Variants in UCK1 observed in about 807,000 individuals in gnomAD.
UCK1 encodes cytidine monophosphokinase 1.
Under a neutral mutation model 34.0 loss-of-function variants are expected in UCK1, and 20 were observed. That is an observed-to-expected ratio of 0.59 (90% CI 0.41 to 0.86). The LOEUF (loss-of-function observed/expected upper bound fraction) is 0.86, where lower values mean the gene tolerates loss of function less well. Among genes scored for constraint, UCK1 ranks in the 40% least tolerant of loss-of-function variants. The pLI, the probability that UCK1 is intolerant of heterozygous loss-of-function variation, is 0.00. For synonymous variants in UCK1, 168 were observed against 155.9 expected (o/e 1.08, Z -0.58); for missense variants, 343 against 383.6 (o/e 0.89, Z 0.88).
intron 2 of UCK1, 25 bp downstream of exon 2, chr9:131,530,461 C>T: frequency 6.2e-7 from 1 of 1,612,888 alleles, no homozygotes; most frequent in Non-Finnish European, 8.5e-7. Context: ...TCTGCCCTCC[C>T]CACATCGTTG....
Position 131,530,590 on chromosome 9 carries a change from C to A in UCK1, c.164G>T (p.Arg55Leu). The A allele has an allele frequency of 6.2e-7, 1 of 1,614,238 alleles. No homozygotes were observed. Among genetic ancestry groups the A allele is most frequent in the Non-Finnish European group, 8.5e-7 (1 of 1,180,038 alleles). The change falls in exon 2 of 7, where the codon CGG (arginine) becomes CTG (leucine). Residue 55 changes from arginine (R) to leucine (L), a missense_variant. By Grantham distance (102) the Arg-to-Leu change is moderately radical. Coordinates refer to ENST00000372215, the MANE Select transcript of UCK1 (RefSeq NM_031432.5). The part of the protein sequence containing the change: ...ELLGQNEVEQ[R>L]QRKVVILSQD... ...GCTCAGGATGACCACCTTCCGCTGC[C>A]GCTGTTCCACCTCGTTCTGTCCCAG... is the stretch of plus-strand genomic sequence containing the variant.
Position 131,529,505 on chromosome 9 carries a change from A to T in UCK1, c.348T>A (p.Asp116Glu). The change falls in exon 3 of 7, where the codon GAT (aspartate) becomes GAA (glutamate). Residue 116 changes from aspartate to glutamate, a missense_variant. Physicochemically the swap from Asp to Glu is conservative, Grantham distance 45. Coordinates refer to ENST00000372215, the MANE Select transcript of UCK1 (RefSeq NM_031432.5). The part of the protein sequence containing the change: ...EGKTVEVPTY[D>E]FVTHSRLPET... The stretch of plus-strand genomic sequence containing the variant: ...CTGCTTACCTTGAGTGTGTCACAAA[A>T]TCATAGGTCGGCACCTCCACCGTTT... 1 of 1,613,892 alleles carries T rather than the reference A, an allele frequency of 6.2e-7. No individual in the cohort carries two copies. Among genetic ancestry groups the T allele is most frequent in the Non-Finnish European group, 8.5e-7 (1 of 1,179,962 alleles).
Position 131,525,959 on chromosome 9 carries a change from C to T in UCK1, c.622G>A (p.Val208Met), listed in dbSNP as rs1450973410. 1.2e-6 allele frequency: 2 copies of T among 1,614,030 alleles called. No individual in the cohort carries two copies. Among genetic ancestry groups the T allele is most frequent in the Admixed American group, 1.7e-5 (1 of 59,996 alleles). The change falls in exon 6 of 7, where the codon GTG becomes ATG. Residue 208 changes from valine (V) to methionine (M), a missense_variant. Coordinates refer to ENST00000372215, the MANE Select transcript of UCK1 (RefSeq NM_031432.5). ...FCLPTKKYAD[V>M]IIPRGVDNMV... is the part of the protein sequence containing the mutation. The stretch of plus-strand genomic sequence containing the variant: ...TTGTCCACTCCTCGCGGGATGATCA[C>T]ATCGGCATACTTCTTTGTCTGTAAG...
intron 3 of UCK1, 40 bp from the exon 4 acceptor site, chr9:131,529,310 A>C: frequency 6.2e-7 from 1 of 1,612,066 alleles, no homozygotes; most frequent in Non-Finnish European, 8.5e-7. Context: ...CTGCAGACAC[A>C]GGGTCTCCAG....
At position 131,525,917 on chromosome 9, in the gene UCK1, C is replaced by T. The variant is rs781542499; in HGVS notation, c.652+12G>A. On this transcript the variant is annotated intron_variant, in intron 6 of 6. Transcript: ENST00000372215. ...AGGGGCGGGGGGACAGCCCAGCAGG[C>T]CAGCTTCTTACCCATATTGTCCACT... 1 of 1,613,466 alleles carries T rather than the reference C, an allele frequency of 6.2e-7. No individual in the cohort carries two copies. Among genetic ancestry groups the T allele is most frequent in the South Asian group, 1.1e-5 (1 of 91,008 alleles).
Position 131,528,974 on chromosome 9 carries a change from C to A in UCK1, c.573G>T (p.Val191=). 6.2e-7 allele frequency: 1 copy of A among 1,614,180 alleles called. No individual in the cohort carries two copies. The highest frequency in any genetic ancestry group is 1.3e-5 in the African/African-American group (1 of 75,054). The part of the protein sequence containing the change: ...EQILTQYTTF[V]KPAFEEFCLP... The stretch of plus-strand genomic sequence containing the variant: ...GGCAGAACTCCTCGAAGGCCGGCTT[C>A]ACGAAGGTGGTGTACTGCGTCAGAA... The change falls in exon 5 of 7, where the codon GTG becomes GTT. Residue 191 remains valine, a synonymous_variant. Transcript: ENST00000372215.
At chr9:131,529,449 G>A (rs751159261) in intron 3 of UCK1, 39 bp downstream of exon 3, 1 of 1,611,746 alleles carries the variant, frequency 6.2e-7, no homozygotes, top group South Asian at 1.1e-5. Flanking sequence ...CGTCCTAGCT[G>A]GCCCCTCTCC....
chr9:131,527,844 T>C (rs1249940892), intron 5 of UCK1, among the ~76,000 whole-genome samples: 2 of 151,772 alleles, frequency 1.3e-5, no homozygotes, highest in Non-Finnish European at 2.9e-5. Flanking sequence ...ACCACTGTAC[T>C]CCAGCCTGGG....
Position 131,524,046 on chromosome 9 carries a change from G to GTGT in UCK1, c.*991_*993dup, listed in dbSNP as rs1950452078. On this transcript the variant is annotated 3_prime_UTR_variant, in exon 7 of 7. Transcript: ENST00000372215. ...ATCACCCCAGGCAACCCAGACACGG[G>GTGT]TGTTCACATGTGAGGCTGTGAGCTC... 1.3e-5 allele frequency: 2 copies of GTGT among 152,324 alleles called. No homozygotes were observed. Among genetic ancestry groups the GTGT allele is most frequent in the Non-Finnish European group, 2.9e-5 (2 of 68,080 alleles). The allele number at this position is 152,324 out of a possible 1,614,324, so 9.4% of individuals were successfully genotyped here. A position where few individuals can be genotyped will look rare whatever the true frequency, so the allele number is the denominator to read the frequency against.
intron 3 of UCK1, 99 bp downstream of exon 3, chr9:131,529,389 C>A (rs1273671100): frequency 6.2e-7 from 1 of 1,600,776 alleles, no homozygotes; most frequent in South Asian, 1.1e-5. Context: ...CCCACAGAAA[C>A]CAACCGGGGG....
intron 5 of UCK1, chr9:131,526,620 G>C: frequency 3.8e-6 from 3 of 794,414 alleles, no homozygotes; most frequent in Non-Finnish European, 5.6e-6. Context: ...GCAGCCTGGA[G>C]AACATGGCTG....
At chr9:131,526,428 C>T (rs1011128840) in intron 5 of UCK1, 7 of 1,292,230 alleles carry the variant, frequency 5.4e-6, no homozygotes, top group East Asian at 5.5e-5. Context: ...CAGGCAGAGA[C>T]GCTGATGGTA....
chr9:131,524,858 G>A lies in UCK1; in HGVS notation c.*182C>T. ...GAAAACCTCAGGAACGCCTGTCAGT[G>A]TCCCAGCAAGTTGAGTCTGAGTGAC... On this transcript the variant is annotated 3_prime_UTR_variant, in exon 7 of 7. Coordinates refer to ENST00000372215, the MANE Select transcript of UCK1 (RefSeq NM_031432.5). 2 of 682,696 alleles carry A rather than the reference G, an allele frequency of 2.9e-6. No individual in the cohort carries two copies. The allele number at this position is 682,696 out of a possible 1,614,324, so 42.3% of individuals were successfully genotyped here.
At chr9:131,526,693 G>A (rs866718779) in intron 5 of UCK1, among the ~76,000 whole-genome samples, 2 of 152,208 alleles carry the variant, frequency 1.3e-5, no homozygotes, top group South Asian at 4.1e-4. Flanking sequence ...AACTTGGAAC[G>A]GTGCGTGCTG....
chr9:131,530,796 G>A, intron 1 of UCK1, 151 bp from the exon 2 acceptor site: 1 of 1,369,704 alleles, frequency 7.3e-7, no homozygotes. Context: ...CTCAGCGGAA[G>A]GGCCGCGGGG....
intron 2 of UCK1, 28 bp downstream of exon 2, chr9:131,530,458 T>G (rs1470151071): frequency 4.3e-6 from 7 of 1,612,016 alleles, no homozygotes; most frequent in Admixed American, 1.7e-5. Context: ...GGGTCTGCCC[T>G]CCCCACATCG....
intron 2 of UCK1, among the ~76,000 whole-genome samples, chr9:131,530,037 C>G (rs1004612024): frequency 6.6e-6 from 1 of 152,212 alleles, no homozygotes; most frequent in Non-Finnish European, 1.5e-5. Context: ...CGCATCTGCC[C>G]GTTTACCTGG....
chr9:131,529,282 A>C lies in UCK1; in HGVS notation c.366-12T>G. The C allele has an allele frequency of 6.2e-7, 1 of 1,613,970 alleles. No homozygotes were observed. Among genetic ancestry groups the C allele is most frequent in the Non-Finnish European group, 8.5e-7 (1 of 1,179,956 alleles). ...TGGTCTCTGGTAACCTGAGGGGCGC[A>C]CGGGGAAAGGGGCTCTGCTGCAGAC... On this transcript the variant is annotated splice_polypyrimidine_tract_variant and intron_variant, in intron 3 of 6. Coordinates refer to ENST00000372215, the MANE Select transcript of UCK1 (RefSeq NM_031432.5).
rs1275201929 is a variant in UCK1, at chr9:131,524,453, ATATCCGTG to A, written c.*579_*586del. 1 of 152,282 alleles carries A rather than the reference ATATCCGTG, an allele frequency of 6.6e-6. No homozygotes were observed. Among genetic ancestry groups the A allele is most frequent in the East Asian group, 1.9e-4 (1 of 5,196 alleles). The allele number at this position is 152,282 out of a possible 1,614,324, so 9.4% of individuals were successfully genotyped here. A position where few individuals can be genotyped will look rare whatever the true frequency, so the allele number is the denominator to read the frequency against. The stretch of plus-strand genomic sequence containing the variant: ...GGAAAACATCCCTCAGTGGCTCCCC[ATATCCGTG>A]TAGGCCACGCTGGACTGCAAACCAC... On this transcript the variant is annotated 3_prime_UTR_variant, in exon 7 of 7. Transcript: ENST00000372215.
Sources: gnomAD v4.1 joint callset for allele counts (sites outside exome capture counted in the v4.1 genomes callset) on GRCh38, gnomAD v4.1.1 for gene constraint, MANE v1.5 for transcripts, NCBI Gene and HGNC (gene_info 2026-07-23, HGNC 2026-07-21) for gene names.